SHISA6: variants seen among roughly 807,000 people sequenced by gnomAD.
The protein encoded by SHISA6 is shisa family member 6.
A neutral mutation model predicts 47.9 loss-of-function variants in SHISA6; 22 were observed. The ratio of observed to expected loss-of-function variants is 0.46; its 90% CI spans 0.33 to 0.66. SHISA6 has a LOEUF of 0.66. SHISA6 is among the 30% of genes least tolerant of loss of function. SHISA6 has a pLI of 0.02. For synonymous variants in SHISA6, 388 were observed against 337.8 expected (o/e 1.15, Z -1.63); for missense variants, 680 against 764.6 (o/e 0.89, Z 1.30).
chr17:11,489,680 T>A (rs561621519), intron 3 of SHISA6, among the ~76,000 whole-genome samples: 1 of 152,256 alleles, frequency 6.6e-6, no homozygotes, highest in East Asian at 1.9e-4. Context: ...GATGCTCAAA[T>A]GAGAAGCCAA....
intron 3 of SHISA6, among the ~76,000 whole-genome samples, chr17:11,491,053 A>T (rs1483454803): frequency 6.6e-6 from 1 of 152,122 alleles, no homozygotes; most frequent in East Asian, 1.9e-4. Context: ...GTTCCTTTGG[A>T]GCCCCTTCAG....
At chr17:11,359,034 T>C in intron 2 of SHISA6, among the ~76,000 whole-genome samples, 1 of 152,224 alleles carries the variant, frequency 6.6e-6, no homozygotes, top group Non-Finnish European at 1.5e-5. Flanking sequence ...ATCCATTCAT[T>C]CATTGATGGA....
chr17:11,253,496 C>T (rs1179154721), intron 1 of SHISA6, among the ~76,000 whole-genome samples: 1 of 152,144 alleles, frequency 6.6e-6, no homozygotes, highest in Non-Finnish European at 1.5e-5. Context: ...TGAAGTAGCT[C>T]TTCGAAGATC....
At chr17:11,350,886 C>T (rs1364714591) in intron 2 of SHISA6, among the ~76,000 whole-genome samples, 3 of 152,130 alleles carry the variant, frequency 2.0e-5, no homozygotes, top group Non-Finnish European at 4.4e-5. Context: ...AGACTTGGAA[C>T]CAACCCAAAT....
At chr17:11,378,446 A>G (rs1313386770) in intron 2 of SHISA6, among the ~76,000 whole-genome samples, 1 of 152,192 alleles carries the variant, frequency 6.6e-6, no homozygotes, top group Non-Finnish European at 1.5e-5. Context: ...TATCTGAAGT[A>G]GGCCTGTGCA....
At chr17:11,284,095 T>C (rs1909215739) in intron 2 of SHISA6, among the ~76,000 whole-genome samples, 1 of 152,084 alleles carries the variant, frequency 6.6e-6, no homozygotes, top group Non-Finnish European at 1.5e-5. Context: ...TACATGCACT[T>C]GTACAAACAC....
intron 2 of SHISA6, among the ~76,000 whole-genome samples, chr17:11,312,022 C>T (rs886271695): frequency 1.3e-5 from 2 of 152,134 alleles, no homozygotes; most frequent in East Asian, 1.9e-4. Flanking sequence ...GATTCGCCTG[C>T]CTGGGCCTCC....
chr17:11,455,505 A>ATGGAAGTGTGTGTACAAGCG (rs549963528), intron 3 of SHISA6, among the ~76,000 whole-genome samples: 332 of 152,084 alleles, frequency 2.2e-3, no homozygotes, highest in Non-Finnish European at 3.5e-3. Flanking sequence ...GTCTGCACAG[A>ATGGAAGTGTGTGTACAAGCG]TGGAAGTGTG....
intron 1 of SHISA6, among the ~76,000 whole-genome samples, chr17:11,256,700 C>G (rs985457173): frequency 6.6e-6 from 1 of 152,098 alleles, no homozygotes; most frequent in Non-Finnish European, 1.5e-5. Context: ...ACGTTTTCAA[C>G]GAATTCTCAG....
intron 3 of SHISA6, among the ~76,000 whole-genome samples, chr17:11,469,207 A>C (rs1915881079): frequency 6.6e-6 from 1 of 152,012 alleles, no homozygotes; most frequent in South Asian, 2.1e-4. Context: ...AAAGAGATAT[A>C]ATATTGGAAG....
At chr17:11,375,515 C>G (rs1008503937) in intron 2 of SHISA6, among the ~76,000 whole-genome samples, 1 of 152,212 alleles carries the variant, frequency 6.6e-6, no homozygotes, top group Non-Finnish European at 1.5e-5. Flanking sequence ...TCTGTTAAGT[C>G]TTTACAGAGA....
At chr17:11,298,108 A>G (rs1427324017) in intron 2 of SHISA6, among the ~76,000 whole-genome samples, 1 of 152,228 alleles carries the variant, frequency 6.6e-6, no homozygotes, top group African/African-American at 2.4e-5. Flanking sequence ...AATTTATGTA[A>G]TATTTTGAAG....
At chr17:11,396,447 G>A (rs140329635) in intron 3 of SHISA6, among the ~76,000 whole-genome samples, 4,623 of 152,210 alleles carry the variant, frequency 0.03, 190 homozygotes, top group African/African-American at 0.092. Context: ...TGCAATAAAC[G>A]TACGTGTGCA....
intron 3 of SHISA6, among the ~76,000 whole-genome samples, chr17:11,490,535 T>G (rs1050179872): frequency 2.0e-5 from 3 of 152,060 alleles, no homozygotes; most frequent in Non-Finnish European, 4.4e-5. Context: ...TGAGTCTAAT[T>G]AAGTCAGAAG....
rs545426763 is a variant in SHISA6, at chr17:11,339,838, C to A, written c.800-39576C>A. 1.1e-4 allele frequency among the ~76,000 whole-genome samples: 17 copies of A among 152,258 alleles called. No homozygotes were observed. In the South Asian group the frequency reaches 3.1e-3, roughly 28 times the overall value. On this transcript the variant is annotated intron_variant, in intron 2 of 5. Coordinates refer to ENST00000441885, the MANE Select transcript of SHISA6 (RefSeq NM_207386.4). ...TGGTAGTGTGGACCTGCGACCCAGA[C>A]TCCAAGGCTTCTGAGGGTGAAGGAA...
intron 3 of SHISA6, among the ~76,000 whole-genome samples, chr17:11,533,349 G>A (rs2071753737): frequency 6.6e-6 from 1 of 151,946 alleles, no homozygotes; most frequent in Admixed American, 6.6e-5. Context: ...AGCCTTTCAG[G>A]ATAAAGTCAA....
chr17:11,418,468 A>G (rs1276057757), intron 3 of SHISA6, among the ~76,000 whole-genome samples: 1 of 152,026 alleles, frequency 6.6e-6, no homozygotes. Context: ...CTGCCCCTCA[A>G]CAGCACTTGG....
chr17:11,245,753 G>GC (rs1907555768), intron 1 of SHISA6, among the ~76,000 whole-genome samples: 1 of 150,276 alleles, frequency 6.7e-6, no homozygotes, highest in Non-Finnish European at 1.5e-5. Flanking sequence ...GCAGGGTGGG[G>GC]GGGGTGGATA....
chr17:11,379,324 C>T (rs996520925), intron 2 of SHISA6, 90 bp from the exon 3 acceptor site: 15 of 858,492 alleles, frequency 1.7e-5, no homozygotes, highest in African/African-American at 3.6e-5. Context: ...AAAACATGCA[C>T]GCCATCACTG....
Sources: gnomAD v4.1 joint callset for allele counts (sites outside exome capture counted in the v4.1 genomes callset) on GRCh38, gnomAD v4.1.1 for gene constraint, MANE v1.5 for transcripts, NCBI Gene and HGNC (gene_info 2026-07-23, HGNC 2026-07-21) for gene names.